Variants in LRFN5 observed in about 807,000 individuals in gnomAD.
LRFN5 encodes leucine-rich repeat and fibronectin type-III domain-containing protein 5.
In LRFN5, 24 loss-of-function variants were observed where a neutral mutation model predicts 45.6. That is an observed-to-expected ratio of 0.53 (90% CI 0.38 to 0.74). The LOEUF (loss-of-function observed/expected upper bound fraction) is 0.74, where lower values mean the gene tolerates loss of function less well. LRFN5 is among the 30% of genes least tolerant of loss of function. LRFN5 has a pLI of 0.00. For missense variants in LRFN5, 776 were observed against 861.5 expected (o/e 0.90, Z 1.24); for synonymous variants, 340 against 313.8 (o/e 1.08, Z -0.88).
intron 1 of LRFN5, among the ~76,000 whole-genome samples, chr14:41,689,711 G>A (rs1882280003): frequency 6.6e-6 from 1 of 151,158 alleles, no homozygotes; most frequent in Middle Eastern, 3.4e-3. Flanking sequence ...TGGCTAACAC[G>A]GTGAAACCCC....
intron 1 of LRFN5, among the ~76,000 whole-genome samples, chr14:41,649,966 A>G (rs1411611837): frequency 6.6e-6 from 1 of 152,202 alleles, no homozygotes; most frequent in Non-Finnish European, 1.5e-5. Context: ...TGTATTTTTA[A>G]CATTTGTAGT....
chr14:41,889,002 C>CATAT (rs5808161), intron 3 of LRFN5, among the ~76,000 whole-genome samples: 50 of 147,796 alleles, frequency 3.4e-4, no homozygotes, highest in Non-Finnish European at 6.1e-4. Flanking sequence ...TATGTATACA[C>CATAT]ATATATATAT....
At chr14:41,780,135 T>G (rs545371829) in intron 2 of LRFN5, among the ~76,000 whole-genome samples, 1 of 152,090 alleles carries the variant, frequency 6.6e-6, no homozygotes, top group African/African-American at 2.4e-5. Context: ...GGTTTAAGTT[T>G]TGTTTAGTTA....
intron 1 of LRFN5, among the ~76,000 whole-genome samples, chr14:41,750,707 G>A (rs1355307155): frequency 6.6e-6 from 1 of 152,124 alleles, no homozygotes; most frequent in Non-Finnish European, 1.5e-5. Flanking sequence ...AATTGACAGA[G>A]TTTTGCATTG....
chr14:41,844,268 T>C (rs1443136130), intron 2 of LRFN5, among the ~76,000 whole-genome samples: 1 of 151,794 alleles, frequency 6.6e-6, no homozygotes, highest in Non-Finnish European at 1.5e-5. Context: ...AAACCCCGTC[T>C]CTACTAAAAA....
At chr14:41,686,413 CAGAGAAAGCTTG>C (rs1882125017) in intron 1 of LRFN5, among the ~76,000 whole-genome samples, 1 of 151,988 alleles carries the variant, frequency 6.6e-6, no homozygotes, top group Non-Finnish European at 1.5e-5. Context: ...AATCTGCAAA[CAGAGAAAGCTTG>C]ACTTCCTCTA....
intron 4 of LRFN5, among the ~76,000 whole-genome samples, chr14:41,896,248 A>G (rs1477655209): frequency 6.6e-6 from 1 of 152,212 alleles, no homozygotes; most frequent in Non-Finnish European, 1.5e-5. Context: ...ACATTTCTTA[A>G]GAAGACAGCA....
intron 2 of LRFN5, among the ~76,000 whole-genome samples, chr14:41,817,883 TAG>T (rs927014241): frequency 6.6e-6 from 1 of 152,128 alleles, no homozygotes; most frequent in Non-Finnish European, 1.5e-5. Flanking sequence ...TTTTCCTATA[TAG>T]ATAGTGGTTC....
chr14:41,901,457 T>C (rs1433386041), intron 5 of LRFN5, among the ~76,000 whole-genome samples: 1 of 151,944 alleles, frequency 6.6e-6, no homozygotes, highest in African/African-American at 2.4e-5. Context: ...TGTGTGTGTG[T>C]GTGTGTGTGT....
rs1885906897 is a variant in LRFN5, at chr14:41,766,959, T to A, written c.-91T>A. The A allele has an allele frequency of 6.6e-6, 1 of 152,638 alleles. No individual in the cohort carries two copies. The allele number at this position is 152,638 out of a possible 1,614,324, so 9.5% of individuals were successfully genotyped here. A position where few individuals can be genotyped will look rare whatever the true frequency, so the allele number is the denominator to read the frequency against. ...CAGCTTTGGAGATGCTTTCACTCTGTCCGTCTTCTGCAGCAGCCAGGCAGA... is the reference window on the plus strand; with the variant it reads ...CAGCTTTGGAGATGCTTTCACTCTGACCGTCTTCTGCAGCAGCCAGGCAGA... On this transcript the variant is annotated 5_prime_UTR_variant, in exon 2 of 6. An upstream open reading frame in the 5' UTR gains an earlier in-frame stop. Transcript: ENST00000298119.
chr14:41,689,128 A>T (rs1882255369), intron 1 of LRFN5, among the ~76,000 whole-genome samples: 1 of 151,852 alleles, frequency 6.6e-6, no homozygotes, highest in Admixed American at 6.6e-5. Context: ...AATGATGATG[A>T]TAATGATAAT....
At chr14:41,642,191 C>T (rs1879609802) in intron 1 of LRFN5, among the ~76,000 whole-genome samples, 1 of 152,116 alleles carries the variant, frequency 6.6e-6, no homozygotes, top group African/African-American at 2.4e-5. Flanking sequence ...TCTTATAACA[C>T]TTTCATCCTT....
At chr14:41,809,826 C>A (rs1453615302) in intron 2 of LRFN5, among the ~76,000 whole-genome samples, 1 of 151,662 alleles carries the variant, frequency 6.6e-6, no homozygotes, top group Non-Finnish European at 1.5e-5. Context: ...AAAATACTAT[C>A]TAAAAATACT....
intron 1 of LRFN5, among the ~76,000 whole-genome samples, chr14:41,664,429 A>T (rs1448899686): frequency 1.3e-5 from 2 of 151,862 alleles, no homozygotes; most frequent in Non-Finnish European, 2.9e-5. Context: ...ACAGGTTTGA[A>T]TCTCACCAGT....
intron 2 of LRFN5, among the ~76,000 whole-genome samples, chr14:41,820,930 A>G (rs1465341786): frequency 6.6e-6 from 1 of 152,042 alleles, no homozygotes; most frequent in African/African-American, 2.4e-5. Context: ...TCATTGGTGT[A>G]TAGACATGCT....
At chr14:41,749,042 C>A (rs1037374800) in intron 1 of LRFN5, among the ~76,000 whole-genome samples, 2 of 151,962 alleles carry the variant, frequency 1.3e-5, no homozygotes, top group African/African-American at 4.8e-5. Flanking sequence ...GAATAATTGG[C>A]AAACTCATAT....
At chr14:41,655,659 G>GA (rs1880345402) in intron 1 of LRFN5, among the ~76,000 whole-genome samples, 1 of 151,910 alleles carries the variant, frequency 6.6e-6, no homozygotes, top group Non-Finnish European at 1.5e-5. Flanking sequence ...ACCTGCTTAG[G>GA]AAAAAACAGA....
chr14:41,715,453 C>T lies in LRFN5; in HGVS notation c.-196-51401C>T, dbSNP rs182599226. On this transcript the variant is annotated intron_variant, in intron 1 of 5. Coordinates refer to ENST00000298119, the MANE Select transcript of LRFN5 (RefSeq NM_152447.5). ...ACTCTGCCTCTCTGTTCTTTTTAAACCTCTTCCTTTAACAAAAATACCTTA... is the reference window on the plus strand; with the variant it reads ...ACTCTGCCTCTCTGTTCTTTTTAAATCTCTTCCTTTAACAAAAATACCTTA... Among the ~76,000 whole-genome samples the T allele has an allele frequency of 8.5e-5, 13 of 152,264 alleles. No homozygotes were observed. The East Asian group carries it at 2.5e-3, about 29-fold the overall frequency.
intron 2 of LRFN5, among the ~76,000 whole-genome samples, chr14:41,837,422 G>T (rs1888701767): frequency 2.0e-5 from 3 of 152,084 alleles, no homozygotes; most frequent in Admixed American, 6.6e-5. Context: ...TGGCTTCTTA[G>T]TCTCCTTACT....
Sources: gnomAD v4.1 joint callset for allele counts (sites outside exome capture counted in the v4.1 genomes callset) on GRCh38, gnomAD v4.1.1 for gene constraint, MANE v1.5 for transcripts, NCBI Gene and HGNC (gene_info 2026-07-23, HGNC 2026-07-21) for gene names.